The following RNF150 variants were observed in gnomAD, a reference collection of about 807,000 sequenced individuals.
The protein encoded by RNF150 is ring finger protein 150.
RNF150 carries 24 observed loss-of-function variants against 39.3 expected under a neutral mutation model. The ratio of observed to expected loss-of-function variants is 0.61; its 90% CI spans 0.44 to 0.86. RNF150 has a LOEUF of 0.86. Ranked by LOEUF, RNF150 falls within the 40% of genes least tolerant of loss-of-function variation. RNF150 has a pLI of 0.00. For missense variants in RNF150, 502 were observed against 587.8 expected, an observed-to-expected ratio of 0.85 and a Z score of 1.51; for synonymous variants, 255 against 227.3, an observed-to-expected ratio of 1.12 and a Z score of -1.10.
chr4:140,994,223 C>T (rs1443948072), intron 1 of RNF150, among the ~76,000 whole-genome samples: 2 of 152,138 alleles, frequency 1.3e-5, no homozygotes, highest in Non-Finnish European at 2.9e-5. Flanking sequence ...AACAGCTCAG[C>T]CAAATCCTGC....
chr4:140,889,838 T>C (rs1349367485), intron 6 of RNF150, among the ~76,000 whole-genome samples: 1 of 152,178 alleles, frequency 6.6e-6, no homozygotes. Flanking sequence ...ATATTTCTTA[T>C]CTTATTCAAT....
At chr4:140,980,399 C>T (rs1344600672) in intron 1 of RNF150, among the ~76,000 whole-genome samples, 1 of 152,046 alleles carries the variant, frequency 6.6e-6, no homozygotes, top group Non-Finnish European at 1.5e-5. Context: ...AATTAAAAAA[C>T]AATCACAGTA....
intron 1 of RNF150, among the ~76,000 whole-genome samples, chr4:141,056,199 T>A (rs1736963674): frequency 6.6e-6 from 1 of 152,114 alleles, no homozygotes; most frequent in Non-Finnish European, 1.5e-5. Flanking sequence ...AACTGTAAGT[T>A]TTTGCATATT....
chr4:141,024,927 G>T (rs1348803280), intron 1 of RNF150, among the ~76,000 whole-genome samples: 1 of 152,128 alleles, frequency 6.6e-6, no homozygotes, highest in Non-Finnish European at 1.5e-5. Context: ...TCAAGAATAG[G>T]GAGTCTGGTT....
intron 6 of RNF150, among the ~76,000 whole-genome samples, chr4:140,910,307 G>A (rs4956337): frequency 0.66 from 100,938 of 152,094 alleles, 34,350 homozygotes; most frequent in Non-Finnish European, 0.74. Flanking sequence ...TCGTATAAAA[G>A]TTGCAATATC....
At chr4:141,146,418 T>C (rs1421354995) in intron 1 of RNF150, among the ~76,000 whole-genome samples, 1 of 152,208 alleles carries the variant, frequency 6.6e-6, no homozygotes, top group Non-Finnish European at 1.5e-5. Context: ...ATAACTTTAA[T>C]TGCATTCTTT....
chr4:141,095,792 G>A (rs1276364290), intron 1 of RNF150, among the ~76,000 whole-genome samples: 1 of 152,132 alleles, frequency 6.6e-6, no homozygotes, highest in Admixed American at 6.5e-5. Context: ...GCTGCCTCTG[G>A]GAAGGGGAGA....
chr4:141,198,305 C>T (rs575488380), intron 1 of RNF150, among the ~76,000 whole-genome samples: 1 of 152,204 alleles, frequency 6.6e-6, no homozygotes, highest in Admixed American at 6.5e-5. Context: ...GGGATTACAG[C>T]CATGAGCCAC....
At chr4:141,144,972 T>A (rs1247151971) in intron 1 of RNF150, among the ~76,000 whole-genome samples, 1 of 152,214 alleles carries the variant, frequency 6.6e-6, no homozygotes, top group Non-Finnish European at 1.5e-5. Context: ...ACAGATAGCT[T>A]AGGCAAAAGA....
intron 6 of RNF150, among the ~76,000 whole-genome samples, chr4:140,907,988 C>T (rs973822250): frequency 4.6e-5 from 7 of 152,168 alleles, no homozygotes; most frequent in African/African-American, 1.2e-4. Context: ...TTTCCTGGGT[C>T]TGTGGAGATG....
At chr4:141,081,357 T>C (rs1302650908) in intron 1 of RNF150, among the ~76,000 whole-genome samples, 1 of 152,166 alleles carries the variant, frequency 6.6e-6, no homozygotes, top group Non-Finnish European at 1.5e-5. Flanking sequence ...CTTATGCTAC[T>C]GATAGAGAGC....
In RNF150 at chr4:141,180,958, G is replaced by A. The variant is rs182121393; in HGVS notation, c.-6+31836C>T. On this transcript the variant is annotated intron_variant, in intron 1 of 7. Transcript: ENST00000420921. ...ATTTCATAATTTGGGATATTCAAGG[G>A]AATCATTATGGTGAGTTTTTTTATA... Among the ~76,000 whole-genome samples, 6 of 152,042 alleles carry A rather than the reference G, an allele frequency of 3.9e-5. No homozygotes were observed. In the East Asian group the frequency reaches 1.2e-3, roughly 29 times the overall value.
intron 1 of RNF150, among the ~76,000 whole-genome samples, chr4:141,152,650 T>C (rs1261880309): frequency 1.3e-5 from 2 of 152,192 alleles, no homozygotes; most frequent in Admixed American, 6.5e-5. Context: ...ATCACCATTA[T>C]AAGGGCTCAC....
intron 1 of RNF150, among the ~76,000 whole-genome samples, chr4:141,180,696 C>A (rs1358381751): frequency 6.6e-6 from 1 of 152,234 alleles, no homozygotes; most frequent in South Asian, 2.1e-4. Context: ...ACACAATGAG[C>A]AAATCACACA....
At chr4:140,929,406 G>A (rs1323839286) in intron 4 of RNF150, among the ~76,000 whole-genome samples, 4 of 111,950 alleles carry the variant, frequency 3.6e-5, no homozygotes, top group Non-Finnish European at 6.6e-5. Flanking sequence ...TTGCTCTGTC[G>A]CCCAGGCTGG....
intron 1 of RNF150, among the ~76,000 whole-genome samples, chr4:140,983,823 T>C (rs1271962824): frequency 4.7e-5 from 7 of 149,688 alleles, no homozygotes; most frequent in Non-Finnish European, 1.5e-5. Context: ...CACTGCAGCC[T>C]CTGCCTTCCA....
intron 6 of RNF150, among the ~76,000 whole-genome samples, chr4:140,887,297 C>G (rs1474795879): frequency 6.6e-6 from 1 of 152,116 alleles, no homozygotes; most frequent in Admixed American, 6.5e-5. Flanking sequence ...TTTTTTGTAG[C>G]CTGTAATGAG....
intron 1 of RNF150, among the ~76,000 whole-genome samples, chr4:141,164,945 A>T (rs1017622983): frequency 2.0e-5 from 3 of 152,250 alleles, no homozygotes; most frequent in African/African-American, 7.2e-5. Context: ...TTCACACATA[A>T]CAATATTAAC....
intron 1 of RNF150, among the ~76,000 whole-genome samples, chr4:141,104,560 G>A (rs1739134359): frequency 6.6e-6 from 1 of 152,142 alleles, no homozygotes; most frequent in Non-Finnish European, 1.5e-5. Flanking sequence ...TACATTCAAT[G>A]TTGTGCAAAA....
Sources: allele counts gnomAD v4.1 joint callset (sites outside exome capture counted in the v4.1 genomes callset), GRCh38; gene constraint gnomAD v4.1.1; transcripts MANE v1.5; gene names NCBI Gene and HGNC (gene_info 2026-07-23, HGNC 2026-07-21).